Variants in S100PBP observed in about 807,000 individuals in gnomAD.
S100PBP encodes S100P-binding protein.
S100PBP carries 15 observed loss-of-function variants against 39.9 expected under a neutral mutation model. The observed-to-expected ratio is 0.38, with a 90% CI of 0.25 to 0.58. The LOEUF is 0.58. Among genes scored for constraint, S100PBP ranks in the 20% least tolerant of loss-of-function variants. S100PBP has a pLI of 0.70. For synonymous variants in S100PBP, 178 were observed against 180.3 expected (o/e 0.99, Z 0.10); for missense variants, 504 against 487.3 (o/e 1.03, Z -0.32).
upstream of S100PBP, chr1:32,817,279 G>T: frequency 6.2e-7 from 1 of 1,612,828 alleles, no homozygotes. Context: ...GCTCAGCCCG[G>T]CACCAGAGCC....
intron 5 of S100PBP, among the ~76,000 whole-genome samples, chr1:32,845,373 G>A (rs1033239464): frequency 1.1e-4 from 16 of 152,092 alleles, no homozygotes; most frequent in Non-Finnish European, 1.8e-4. Context: ...AACCCAGGAG[G>A]CTGAGTGAAC....
chr1:32,841,914 T>A lies in S100PBP; in HGVS notation c.1025-11165T>A, dbSNP rs147795120. On this transcript the variant is annotated intron_variant, in intron 5 of 6. Transcript: ENST00000373475. ...TTTATTCTGTATGTAGTGCAAGATA[T>A]GGATTAAAGCCTGTAATCCCAGCAC... Among the ~76,000 whole-genome samples, 3 of 150,314 alleles carry A rather than the reference T, an allele frequency of 2.0e-5. No homozygotes were observed. In the Admixed American group the frequency reaches 2.0e-4, roughly 10 times the overall value.
At chr1:32,819,951 A>C (rs1056435812) in intron 1 of S100PBP, among the ~76,000 whole-genome samples, 1 of 152,164 alleles carries the variant, frequency 6.6e-6, no homozygotes, top group East Asian at 1.9e-4. Flanking sequence ...ACCTCTATAA[A>C]GGATAGTTCA....
chr1:32,840,562 G>A (rs945124231), intron 5 of S100PBP, among the ~76,000 whole-genome samples: 4 of 151,678 alleles, frequency 2.6e-5, no homozygotes, highest in African/African-American at 9.7e-5. Context: ...TTGCCATGTT[G>A]GCCAGGCTGG....
At chr1:32,846,169 T>C (rs1640365632) in intron 5 of S100PBP, among the ~76,000 whole-genome samples, 1 of 151,770 alleles carries the variant, frequency 6.6e-6, no homozygotes, top group Admixed American at 6.6e-5. Context: ...TTGTAGTTTT[T>C]TAGTAGAGAT....
Position 32,826,540 on chromosome 1 carries a change from T to C in S100PBP, c.441T>C (p.Thr147=). 6.2e-7 allele frequency: 1 copy of C among 1,614,010 alleles called. No homozygotes were observed. Among genetic ancestry groups the C allele is most frequent in the Non-Finnish European group, 8.5e-7 (1 of 1,180,028 alleles). ...SVLEKNLIKV[T]VAPFNPTVCD... The stretch of plus-strand genomic sequence containing the variant: ...TAGAAAAGAATCTTATAAAAGTAAC[T>C]GTTGCACCATTTAATCCAACAGTTT... Residue 147 remains threonine, a synonymous_variant, in exon 3 of 7, where the codon ACT becomes ACC. Transcript: ENST00000373475.
At chr1:32,840,500 G>C (rs1640037228) in intron 5 of S100PBP, among the ~76,000 whole-genome samples, 1 of 150,498 alleles carries the variant, frequency 6.6e-6, no homozygotes, top group Non-Finnish European at 1.5e-5. Context: ...GGGATTACAG[G>C]CACCCGCCAC....
At chr1:32,851,984 G>C (rs1401595588) in intron 5 of S100PBP, among the ~76,000 whole-genome samples, 1 of 152,172 alleles carries the variant, frequency 6.6e-6, no homozygotes, top group Non-Finnish European at 1.5e-5. Context: ...TTATTGCATA[G>C]TGGCAAGGAC....
chr1:32,841,298 C>G lies in S100PBP; in HGVS notation c.1024+11231C>G, dbSNP rs76177756. On this transcript the variant is annotated intron_variant, in intron 5 of 6. Coordinates refer to ENST00000373475, the MANE Select transcript of S100PBP (RefSeq NM_022753.4). ...TATTTTCTCCCAGTATATGCCTTGT[C>G]TTTTCATTCCCATAAGTGTCTTCTA... 3.1e-3 allele frequency among the ~76,000 whole-genome samples: 465 copies of G among 152,140 alleles called. 10 individuals carry two copies. In the East Asian group the frequency reaches 0.072, roughly 24 times the overall value.
intron 5 of S100PBP, among the ~76,000 whole-genome samples, chr1:32,839,406 C>T (rs950113184): frequency 2.0e-5 from 3 of 152,200 alleles, no homozygotes; most frequent in Non-Finnish European, 4.4e-5. Context: ...TTTGCTTCCA[C>T]CTTTTAGCTT....
At chr1:32,835,996 C>T (rs1011040364) in intron 5 of S100PBP, 1 of 152,018 alleles carries the variant, frequency 6.6e-6, no homozygotes, top group African/African-American at 2.4e-5. Flanking sequence ...GATTGCTGGA[C>T]CATATGGTAG....
intron 3 of S100PBP, 75 bp from the exon 4 acceptor site, chr1:32,827,918 C>A: frequency 1.0e-6 from 1 of 999,168 alleles, no homozygotes; most frequent in East Asian, 2.5e-5. Context: ...AAAATATTTC[C>A]ATAAATAGTG....
chr1:32,834,093 C>A (rs2148659269), intron 5 of S100PBP: 2 of 270,698 alleles, frequency 7.4e-6, no homozygotes, highest in South Asian at 4.0e-5. Flanking sequence ...AAAACTGTTA[C>A]ATGTTACCAG....
rs533416676 is a variant in S100PBP, at chr1:32,833,964, A to G, written c.1024+3897A>G. 268 of 218,834 alleles carry G rather than the reference A, an allele frequency of 1.2e-3. 4 individuals carry two copies. The South Asian group carries it at 0.014, about 12-fold the overall frequency. 13.6% of individuals were successfully genotyped at this position (218,834 alleles called of 1,614,324 possible). ...CATCTTGGTAAATTAGATTGTGTCC[A>G]TTTTCATTAGTAATGCTGCAGTGAA... On this transcript the variant is annotated intron_variant, in intron 5 of 6. Transcript: ENST00000373475.
chr1:32,821,307 C>T (rs943860589), intron 1 of S100PBP, among the ~76,000 whole-genome samples: 3 of 151,928 alleles, frequency 2.0e-5, no homozygotes, highest in African/African-American at 4.8e-5. Context: ...ATACATAATA[C>T]GTGGTATTGT....
intron 5 of S100PBP, chr1:32,836,679 C>T (rs745781723): frequency 2.0e-5 from 13 of 652,682 alleles, no homozygotes; most frequent in Non-Finnish European, 2.3e-5. Flanking sequence ...CCAATTTGCA[C>T]TGCTTGTTCT....
At chr1:32,851,716 C>T (rs1192379487) in intron 5 of S100PBP, among the ~76,000 whole-genome samples, 1 of 152,018 alleles carries the variant, frequency 6.6e-6, no homozygotes, top group Non-Finnish European at 1.5e-5. Context: ...CTTAGACCAC[C>T]AGCATTAGCA....
intron 5 of S100PBP, among the ~76,000 whole-genome samples, chr1:32,844,742 GAGATAGAGATATATATAGATATCTAT>G (rs1640278836): frequency 6.6e-6 from 1 of 151,672 alleles, no homozygotes; most frequent in South Asian, 2.1e-4. Flanking sequence ...TTTCTATTCC[GAGATAGAGATATATATAGATATCTAT>G]AGATAGAGAT....
At chr1:32,827,880 C>A in intron 3 of S100PBP, 113 bp from the exon 4 acceptor site, 1 of 656,488 alleles carries the variant, frequency 1.5e-6, no homozygotes, top group Non-Finnish European at 2.7e-6. Context: ...GTAGTGTTCA[C>A]GAATAGGCTT....
Sources: gnomAD v4.1 joint callset for allele counts (sites outside exome capture counted in the v4.1 genomes callset) on GRCh38, gnomAD v4.1.1 for gene constraint, MANE v1.5 for transcripts, NCBI Gene and HGNC (gene_info 2026-07-23, HGNC 2026-07-21) for gene names.